Variants in PGM3 observed in about 807,000 individuals in gnomAD.
PGM3 encodes the protein phosphoacetylglucosamine mutase.
In PGM3, 40 loss-of-function variants were observed where a neutral mutation model predicts 66.2. The observed-to-expected ratio is 0.60, with a 90% CI of 0.47 to 0.79. The LOEUF (loss-of-function observed/expected upper bound fraction) is 0.79. PGM3 is among the 30% of genes least tolerant of loss of function. The pLI, the probability that PGM3 is intolerant of heterozygous loss-of-function variation, is 0.00. For missense variants in PGM3, 537 were observed against 643.4 expected (o/e 0.83, Z 1.79); for synonymous variants, 191 against 224.2 (o/e 0.85, Z 1.32).
Position 83,182,985 on chromosome 6 carries a change from T to G in PGM3, c.458-7A>C. Reference sequence around the variant, plus strand: ...GTTGTTAACAAGCCATAATCTGTCATAGAAATACAAAAAGCAATTCACCGC... The same window carrying G: ...GTTGTTAACAAGCCATAATCTGTCAGAGAAATACAAAAAGCAATTCACCGC... On this transcript the variant is annotated splice_polypyrimidine_tract_variant and splice_region_variant and intron_variant, in intron 4 of 12. Transcript: ENST00000513973. 1 of 1,609,502 alleles carries G rather than the reference T, an allele frequency of 6.2e-7. No homozygotes were observed.
At chr6:83,169,422 A>C in intron 12 of PGM3, 99 bp from the exon 13 acceptor site, 1 of 1,380,760 alleles carries the variant, frequency 7.2e-7, no homozygotes, top group Non-Finnish European at 9.9e-7. Context: ...GAGAGGGGTG[A>C]TTCTTGATTT....
At chr6:83,156,241 CAAT>C, downstream of PGM3, 1 of 691,870 alleles carries the variant, frequency 1.4e-6, no homozygotes, top group Non-Finnish European at 2.3e-6. Flanking sequence ...TCTACTGAAA[CAAT>C]GAAAATTATC....
At chr6:83,161,247 A>T (rs2128415933), downstream of PGM3, 1 of 152,298 alleles carries the variant, frequency 6.6e-6, no homozygotes, top group South Asian at 2.1e-4. Context: ...TAGTTACTAC[A>T]AAAGGGAAGG....
At chr6:83,177,371 C>T (rs1787850434) in intron 8 of PGM3, among the ~76,000 whole-genome samples, 1 of 152,008 alleles carries the variant, frequency 6.6e-6, no homozygotes, top group Admixed American at 6.6e-5. Context: ...TAGTGTGGTG[C>T]CAAGGGTGGT....
chr6:83,164,699 T>C (rs541604662), downstream of PGM3: 17 of 1,590,924 alleles, frequency 1.1e-5, no homozygotes, highest in Middle Eastern at 3.3e-4. Flanking sequence ...TTTGGAGGGA[T>C]TGGAGATGGC....
intron 3 of PGM3, among the ~76,000 whole-genome samples, chr6:83,188,239 AAC>A (rs1219286311): frequency 6.6e-6 from 1 of 152,238 alleles, no homozygotes; most frequent in Non-Finnish European, 1.5e-5. Context: ...AAACAATAAT[AAC>A]ACAGATTACA....
chr6:83,160,025 C>G, downstream of PGM3: 1 of 1,491,580 alleles, frequency 6.7e-7, no homozygotes, highest in South Asian at 1.2e-5. Flanking sequence ...TCACTGACAT[C>G]TATGACTAAT....
chr6:83,191,961 A>T (rs1477078609), intron 1 of PGM3, among the ~76,000 whole-genome samples: 1 of 115,130 alleles, frequency 8.7e-6, no homozygotes, highest in African/African-American at 3.5e-5. Context: ...TCGGTCTCAA[A>T]AAAAAAAAAA....
chr6:83,166,036 C>T lies in PGM3; in HGVS notation c.*3198G>A, dbSNP rs139281046. 282 of 274,748 alleles carry T rather than the reference C, an allele frequency of 1.0e-3. 3 individuals are homozygous for T. In the East Asian group the frequency reaches 0.019, roughly 18 times the overall value. 17.0% of individuals were successfully genotyped at this position (274,748 alleles called of 1,614,324 possible). A position where few individuals can be genotyped will look rare whatever the true frequency, so the allele number is the denominator to read the frequency against. ...TCAGTCCAGCCACTGAGCTGGTCAT[C>T]GCCAGTTGTCGTATAAAATCCACCT... is the stretch of plus-strand genomic sequence containing the variant. On this transcript the variant is annotated 3_prime_UTR_variant, in exon 13 of 13. Coordinates refer to ENST00000513973, the MANE Select transcript of PGM3 (RefSeq NM_015599.3).
the PGM3 span, chr6:83,153,689 A>T: frequency 7.7e-7 from 1 of 1,306,994 alleles, no homozygotes; most frequent in Admixed American, 2.4e-5. Flanking sequence ...CTGTTCCCTT[A>T]TTGCCATTTC....
At chr6:83,174,280 T>C in intron 10 of PGM3, 94 bp downstream of exon 10, 1 of 680,988 alleles carries the variant, frequency 1.5e-6, no homozygotes. Flanking sequence ...CCAGGACGTC[T>C]CCACTTTAAT....
downstream of PGM3, chr6:83,159,970 A>G (rs766131092): frequency 1.2e-6 from 2 of 1,613,490 alleles, no homozygotes; most frequent in East Asian, 4.5e-5. Flanking sequence ...TGTAAGTAAA[A>G]GCAAGGATAT....
At chr6:83,171,522 C>T (rs536514928) in intron 11 of PGM3, among the ~76,000 whole-genome samples, 1 of 152,182 alleles carries the variant, frequency 6.6e-6, no homozygotes, top group South Asian at 2.1e-4. Flanking sequence ...GACGGAGTCT[C>T]GCTCTGTCGC....
chr6:83,193,406 C>G (rs528084299), upstream of PGM3: 10 of 152,446 alleles, frequency 6.6e-5, no homozygotes, highest in East Asian at 1.7e-3. Context: ...CGGTTCCGAG[C>G]GGGGTCTGGG....
chr6:83,174,383 C>G lies in PGM3; in HGVS notation c.1233G>C (p.Leu411Phe). The G allele has an allele frequency of 1.3e-6, 2 of 1,566,946 alleles. No individual in the cohort carries two copies. The highest frequency in any genetic ancestry group is 2.7e-5 in the African/African-American group (2 of 73,876). ...CCCCATCAGTTCTGACCTGGTTAAA[C>G]AAGTCAATAATGTTTTCAAGCATCT... ...AAKMLENIID[L>F]FNQAAGDAIS... Residue 411 changes from leucine (L) to phenylalanine (F), a missense_variant, in exon 10 of 13, where the codon TTG (leucine) becomes TTC (phenylalanine). Coordinates refer to ENST00000513973, the MANE Select transcript of PGM3 (RefSeq NM_015599.3).
the PGM3 span, chr6:83,151,488 G>T: frequency 1.4e-6 from 1 of 734,568 alleles, no homozygotes; most frequent in Non-Finnish European, 2.1e-6. Context: ...ATTTAAAATG[G>T]AAATCAAGAC....
the PGM3 span, chr6:83,151,828 C>A: frequency 6.5e-7 from 1 of 1,532,628 alleles, no homozygotes; most frequent in South Asian, 1.2e-5. Flanking sequence ...TACAGAAGTT[C>A]ATAACTAGTG....
chr6:83,151,965 T>C, the PGM3 span: 1 of 1,614,060 alleles, frequency 6.2e-7, no homozygotes. Flanking sequence ...CGACGAAATC[T>C]TGAAGTTAAG....
intron 2 of PGM3, among the ~76,000 whole-genome samples, chr6:83,189,507 T>C (rs1234561129): frequency 1.3e-5 from 2 of 152,202 alleles, no homozygotes; most frequent in Non-Finnish European, 2.9e-5. Flanking sequence ...ATATACACAT[T>C]TATAATGATC....
Sources: allele counts gnomAD v4.1 joint callset (sites outside exome capture counted in the v4.1 genomes callset), GRCh38; gene constraint gnomAD v4.1.1; transcripts MANE v1.5; gene names NCBI Gene and HGNC (gene_info 2026-07-23, HGNC 2026-07-21).